The following RPS3A variants were observed in gnomAD, a reference collection of about 807,000 sequenced individuals.
The protein encoded by RPS3A is ribosomal protein S3A.
RPS3A carries 1 observed loss-of-function variant against 26.4 expected under a neutral mutation model. The observed-to-expected ratio is 0.04, with a 90% CI of 0.01 to 0.18. The LOEUF (loss-of-function observed/expected upper bound fraction) is 0.18, where lower values mean the gene tolerates loss of function less well. Among genes scored for constraint, RPS3A ranks in the 10% least tolerant of loss-of-function variants. The probability of loss-of-function intolerance (pLI) is 1.00; values close to 1 mark genes in which losing one functional copy is unlikely to be tolerated. For synonymous variants in RPS3A, 97 were observed against 106.1 expected (o/e 0.91, Z 0.53); for missense variants, 139 against 326.8 (o/e 0.43, Z 4.43).
At chr4:151,102,703 G>T in intron 3 of RPS3A, 168 bp from the exon 4 acceptor site, 1 of 797,400 alleles carries the variant, frequency 1.3e-6, no homozygotes, top group African/African-American at 1.7e-5. Context: ...GGGGTAACTT[G>T]GTAAGTTCAA....
In RPS3A at chr4:151,103,395, A is replaced by G. The variant is rs933450586; in HGVS notation, c.563+316A>G. 38 of 583,188 alleles carry G rather than the reference A, an allele frequency of 6.5e-5. No individual in the cohort carries two copies. The Admixed American group carries it at 1.3e-3, about 20-fold the overall frequency. The allele number at this position is 583,188 out of a possible 1,614,324, so 36.1% of individuals were successfully genotyped here. Reference sequence around the variant, plus strand: ...CAGCCTCCTGAGTATCTGGGAATACAGGGGACTGCCACCATACCCAGCTAA... The same window carrying G: ...CAGCCTCCTGAGTATCTGGGAATACGGGGGACTGCCACCATACCCAGCTAA... On this transcript the variant is annotated intron_variant, in intron 4 of 5. Coordinates refer to ENST00000274065, the MANE Select transcript of RPS3A (RefSeq NM_001006.5).
Position 151,100,596 on chromosome 4 carries a change from G to C in RPS3A, c.166+8G>C. 1.3e-6 allele frequency: 2 copies of C among 1,485,306 alleles called. No homozygotes were observed. The highest frequency in any genetic ancestry group is 1.9e-6 in the Non-Finnish European group (2 of 1,063,726). The allele number at this position is 1,485,306 out of a possible 1,614,324, so 92.0% of individuals were successfully genotyped here. On this transcript the variant is annotated splice_region_variant and intron_variant, in intron 2 of 5. Transcript: ENST00000274065. ...CCAGGACCCAAGGAACCAGTAAGTA[G>C]CTTATTCTTGGTTTGTATTTTCCTT...
At chr4:151,100,359 T>G in intron 1 of RPS3A, 126 bp from the exon 2 acceptor site, 15 of 615,858 alleles carry the variant, frequency 2.4e-5, no homozygotes, top group Non-Finnish European at 3.8e-5. Context: ...CACCTCACTG[T>G]GAGATATACT....
At position 151,104,621 on chromosome 4, in the gene RPS3A, A is replaced by C. The variant is rs747019157; in HGVS notation, c.*28A>C. 1.3e-6 allele frequency: 2 copies of C among 1,567,176 alleles called. No individual in the cohort carries two copies. The highest frequency in any genetic ancestry group is 4.1e-5 in the Admixed American group (2 of 48,690). On this transcript the variant is annotated 3_prime_UTR_variant, in exon 6 of 6. Coordinates refer to ENST00000274065, the MANE Select transcript of RPS3A (RefSeq NM_001006.5). ...TTCAGACTTCAAATAGTGGCAAATA[A>C]AAAGTGCTATTTGTGATGGTTTGCT...
intron 3 of RPS3A, among the ~76,000 whole-genome samples, chr4:151,102,353 T>C (rs551167647): frequency 1.4e-5 from 2 of 146,766 alleles, no homozygotes; most frequent in South Asian, 2.1e-4. Context: ...TGAAATTGGG[T>C]ATTTAATCAT....
chr4:151,102,858 CTT>C lies in RPS3A; in HGVS notation c.355-8_355-7del. The C allele has an allele frequency of 1.2e-6, 2 of 1,607,234 alleles. No individual in the cohort carries two copies. Among genetic ancestry groups the C allele is most frequent in the Non-Finnish European group, 1.7e-6 (2 of 1,176,636 alleles). ...TAAAACCTGTTAAATCTGACGGTAT[CTT>C]TTTTCTCCAGACAATGATTGAAGCT... On this transcript the variant is annotated splice_polypyrimidine_tract_variant and intron_variant, in intron 3 of 5. Transcript: ENST00000274065.
intron 2 of RPS3A, 114 bp from the exon 3 acceptor site, chr4:151,100,861 A>G (rs1747087109): frequency 1.4e-6 from 1 of 729,370 alleles, no homozygotes; most frequent in Non-Finnish European, 2.2e-6. Context: ...ATTTGATAAC[A>G]AAGGTTAAGG....
intron 4 of RPS3A, chr4:151,103,944 T>G: frequency 6.6e-7 from 1 of 1,524,432 alleles, no homozygotes; most frequent in South Asian, 1.1e-5. Context: ...GCATAAGGCT[T>G]GGACTCAGAA....
chr4:151,103,620 A>G (rs1181345055), intron 4 of RPS3A: 2 of 1,060,640 alleles, frequency 1.9e-6, no homozygotes, highest in East Asian at 7.7e-5. Context: ...ACACTGAATA[A>G]GTTGAGTGGG....
chr4:151,103,484 G>T, intron 4 of RPS3A: 1 of 1,014,342 alleles, frequency 9.9e-7, no homozygotes, highest in Non-Finnish European at 1.2e-6. Context: ...TTGAACTCCT[G>T]ACTTCAGGTG....
intron 2 of RPS3A, 57 bp downstream of exon 2, chr4:151,100,645 C>A (rs1747079294): frequency 1.9e-6 from 2 of 1,030,816 alleles, no homozygotes; most frequent in Non-Finnish European, 3.1e-6. Flanking sequence ...TATATTGTAG[C>A]AGGCATCTTG....
In RPS3A at chr4:151,104,456, T is replaced by TTTC. The variant is rs1747281093; in HGVS notation, c.674-14_674-13insCTT. The TTTC allele has an allele frequency of 2.1e-6, 3 of 1,411,266 alleles. No individual in the cohort carries two copies. The highest frequency in any genetic ancestry group is 6.5e-5 in the Admixed American group (2 of 30,982). 87.4% of individuals were successfully genotyped at this position (1,411,266 alleles called of 1,614,324 possible). The stretch of plus-strand genomic sequence containing the variant: ...GTTTTTTGGTTTTTTTTTTTTTTTT[T>TTTC]TTTTTTGCCTTTTAGTGGGAAAGCT... On this transcript the variant is annotated splice_polypyrimidine_tract_variant and intron_variant, in intron 5 of 5. Coordinates refer to ENST00000274065, the MANE Select transcript of RPS3A (RefSeq NM_001006.5).
rs748372446 is a variant in RPS3A at position 151,104,219 on chromosome 4, A to G, written c.606A>G (p.Gln202=). Residue 202 remains glutamine (Q), a synonymous_variant, in exon 5 of 6, where the codon CAA becomes CAG. Transcript: ENST00000274065. ...GAAAAGACATAGAAAAGGCTTGCCAATCTATTTATCCTCTCCATGATGTCT... is the reference window on the plus strand; with the variant it reads ...GAAAAGACATAGAAAAGGCTTGCCAGTCTATTTATCCTCTCCATGATGTCT... ...SIGKDIEKAC[Q]SIYPLHDVFV... The G allele has an allele frequency of 5.0e-6, 8 of 1,612,510 alleles. No homozygotes were observed. The highest frequency in any genetic ancestry group is 4.5e-5 in the East Asian group (2 of 44,878).
rs765643289 is a variant in RPS3A at position 151,099,665 on chromosome 4, A to C, written c.13A>C (p.Lys5Gln). ...TCTGACCAGCACCATGGCGGTTGGC[A>C]AGAACAAGCGCCTTACGAAAGGCGG... MAVG[K>Q]NKRLTKGGKK... The change falls in exon 1 of 6, where the codon AAG becomes CAG. Residue 5 changes from lysine (K) to glutamine (Q), a missense_variant. By Grantham distance (53) the Lys-to-Gln change is moderately conservative. Around this residue, in one of 3 missense-constraint regions of RPS3A, gnomAD observed 35 missense variants for 60.1 expected, o/e 0.58. Coordinates refer to ENST00000274065, the MANE Select transcript of RPS3A (RefSeq NM_001006.5). 1 of 1,613,998 alleles carries C rather than the reference A, an allele frequency of 6.2e-7. No individual in the cohort carries two copies. The highest frequency in any genetic ancestry group is 1.1e-5 in the South Asian group (1 of 91,044).
rs1167471489 is a variant in RPS3A at position 151,102,999 on chromosome 4, C to A, written c.483C>A (p.Val161=). 1 of 1,602,838 alleles carries A rather than the reference C, an allele frequency of 6.2e-7. No homozygotes were observed. The highest frequency in any genetic ancestry group is 1.1e-5 in the South Asian group (1 of 91,052). ...CCTCTTATGCTCAGCACCAACAGGT[C>A]CGCCAAATCCGGAAGAAGATGATGG... ...RKTSYAQHQQ[V]RQIRKKMMEI... The change falls in exon 4 of 6, where the codon GTC becomes GTA. Residue 161 remains valine (V), a synonymous_variant. Coordinates refer to ENST00000274065, the MANE Select transcript of RPS3A (RefSeq NM_001006.5).
At chr4:151,102,132 C>T (rs1009862719) in intron 3 of RPS3A, 1 of 511,886 alleles carries the variant, frequency 2.0e-6, no homozygotes, top group African/African-American at 1.9e-5. Context: ...TGACATTCCT[C>T]TAAGGCTTTA....
intron 3 of RPS3A, chr4:151,102,147 T>G (rs1021213982): frequency 2.1e-6 from 1 of 486,896 alleles, no homozygotes; most frequent in Non-Finnish European, 4.1e-6. Context: ...GCTTTATGGT[T>G]TACATTTCTA....
At chr4:151,103,261 ATTAT>A (rs1187689351) in intron 4 of RPS3A, 182 bp downstream of exon 4, 2 of 1,187,598 alleles carry the variant, frequency 1.7e-6, no homozygotes, top group East Asian at 5.9e-5. Flanking sequence ...TATTACTATT[ATTAT>A]TTGAGTCAGA....
At chr4:151,100,684 T>G (rs879821086) in intron 2 of RPS3A, 96 bp downstream of exon 2, 25 of 763,584 alleles carry the variant, frequency 3.3e-5, no homozygotes, top group Non-Finnish European at 4.7e-5. Flanking sequence ...GGTGGGAGAC[T>G]TTAAGGAAAT....
Sources: gnomAD v4.1 joint callset for allele counts (sites outside exome capture counted in the v4.1 genomes callset) on GRCh38, gnomAD v4.1.1 for gene constraint, gnomAD v4.1.1 regional missense constraint, MANE v1.5 for transcripts, NCBI Gene and HGNC (gene_info 2026-07-23, HGNC 2026-07-21) for gene names.